Variants in CNTN6 observed in about 807,000 individuals in gnomAD.
CNTN6 encodes the protein contactin-6.
Under a neutral mutation model 122.8 loss-of-function variants are expected in CNTN6, and 137 were observed. That is an observed-to-expected ratio of 1.12 (90% CI 0.97 to 1.29). CNTN6 has a LOEUF of 1.29. CNTN6 is among the 50% of genes most tolerant of loss of function. CNTN6 has a pLI of 0.00. For missense variants in CNTN6, 1,634 were observed against 1,223.4 expected (o/e 1.34, Z -5.01); for synonymous variants, 570 against 426.0 (o/e 1.34, Z -4.16).
intron 1 of CNTN6, among the ~76,000 whole-genome samples, chr3:1,137,673 T>C (rs1429180511): frequency 6.6e-6 from 1 of 152,194 alleles, no homozygotes; most frequent in Non-Finnish European, 1.5e-5. Context: ...TGAATTCTCT[T>C]ATGAACCTCA....
chr3:1,332,079 G>C (rs1281559013), intron 11 of CNTN6, among the ~76,000 whole-genome samples: 1 of 151,824 alleles, frequency 6.6e-6, no homozygotes, highest in Non-Finnish European at 1.5e-5. Context: ...CATTGCTTCA[G>C]GGTTTCACTG....
chr3:1,188,896 T>G (rs1194960162), intron 2 of CNTN6, among the ~76,000 whole-genome samples: 4 of 152,190 alleles, frequency 2.6e-5, no homozygotes, highest in Non-Finnish European at 4.4e-5. Flanking sequence ...TGCTTTTTTC[T>G]GTACACATGT....
chr3:1,334,464 A>G (rs1702765796), intron 11 of CNTN6, among the ~76,000 whole-genome samples: 1 of 152,004 alleles, frequency 6.6e-6, no homozygotes, highest in African/African-American at 2.4e-5. Flanking sequence ...ATTAAACACT[A>G]TATTCATGCA....
chr3:1,373,875 G>GT (rs1709473259), intron 15 of CNTN6, 49 bp from the exon 16 acceptor site: 2 of 1,524,546 alleles, frequency 1.3e-6, no homozygotes, highest in Non-Finnish European at 1.8e-6. Context: ...ACAATTATTT[G>GT]TTTTTGAGTA....
intron 1 of CNTN6, among the ~76,000 whole-genome samples, chr3:1,123,763 C>T (rs905246403): frequency 2.0e-5 from 3 of 152,020 alleles, no homozygotes; most frequent in Admixed American, 6.6e-5. Flanking sequence ...GTCTTGTTCC[C>T]GATCAGAGTG....
In CNTN6 at chr3:1,356,792, G is replaced by A. The variant is rs760551712; in HGVS notation, c.1492+4341G>A. On this transcript the variant is annotated intron_variant, in intron 12 of 22. Transcript: ENST00000446702. ...AACATTTGATTTAAAAATTAGTGAT[G>A]GTAAAAATTACTTTCAAGGTGAGAA... Among the ~76,000 whole-genome samples the A allele has an allele frequency of 5.6e-4, 85 of 151,708 alleles. 1 individual carries two copies. The highest frequency in any genetic ancestry group is 2.2e-4 in the Non-Finnish European group (15 of 67,850).
chr3:1,366,432 G>T (rs1708229615), intron 12 of CNTN6, among the ~76,000 whole-genome samples: 1 of 152,036 alleles, frequency 6.6e-6, no homozygotes, highest in African/African-American at 2.4e-5. Flanking sequence ...TACTCTACTG[G>T]CACATATGCA....
chr3:1,305,537 A>G (rs1698215193), intron 7 of CNTN6, among the ~76,000 whole-genome samples: 1 of 152,194 alleles, frequency 6.6e-6, no homozygotes, highest in East Asian at 1.9e-4. Flanking sequence ...ATGCAAATGT[A>G]GTATGATTGA....
At chr3:1,227,447 A>G (rs879636865) in intron 3 of CNTN6, among the ~76,000 whole-genome samples, 2 of 152,094 alleles carry the variant, frequency 1.3e-5, no homozygotes, top group Admixed American at 6.6e-5. Flanking sequence ...TTGACATTCA[A>G]TTTTGTGCTA....
chr3:1,284,664 AGGT>A (rs1694042949), intron 5 of CNTN6, among the ~76,000 whole-genome samples: 1 of 152,230 alleles, frequency 6.6e-6, no homozygotes, highest in Non-Finnish European at 1.5e-5. Context: ...AAAGCATGAC[AGGT>A]GGTAATAAAA....
rs945992651 is a variant in CNTN6, at chr3:1,320,203, A to G, written c.762-1447A>G. On this transcript the variant is annotated intron_variant, in intron 7 of 22. Coordinates refer to ENST00000446702, the MANE Select transcript of CNTN6 (RefSeq NM_001289080.2). ...ATAATAATTATTTTTTACTTAAGGCAATTCAAAATTCAAGTTTTCACTGTA... is the reference window on the plus strand; with the variant it reads ...ATAATAATTATTTTTTACTTAAGGCGATTCAAAATTCAAGTTTTCACTGTA... Among the ~76,000 whole-genome samples, 33 of 151,758 alleles carry G rather than the reference A, an allele frequency of 2.2e-4. 1 individual carries two copies. The highest frequency in any genetic ancestry group is 4.4e-4 in the Non-Finnish European group (30 of 67,846).
At chr3:1,375,149 C>A (rs959712218) in intron 16 of CNTN6, among the ~76,000 whole-genome samples, 3 of 152,046 alleles carry the variant, frequency 2.0e-5, no homozygotes, top group East Asian at 3.9e-4. Context: ...CTCCTATATA[C>A]CCCCTGGATC....
At chr3:1,291,335 A>C (rs1054719025) in intron 5 of CNTN6, among the ~76,000 whole-genome samples, 1 of 152,210 alleles carries the variant, frequency 6.6e-6, no homozygotes, top group African/African-American at 2.4e-5. Flanking sequence ...ATGTAGGAAT[A>C]GATTGGCAAG....
chr3:1,266,854 C>T (rs1201372467), intron 4 of CNTN6, among the ~76,000 whole-genome samples: 3 of 152,084 alleles, frequency 2.0e-5, no homozygotes, highest in African/African-American at 7.2e-5. Context: ...ACACCTTCAG[C>T]CCCCTTTGCT....
intron 4 of CNTN6, among the ~76,000 whole-genome samples, chr3:1,250,512 T>G (rs866742488): frequency 3.3e-5 from 5 of 152,084 alleles, no homozygotes; most frequent in Non-Finnish European, 4.4e-5. Flanking sequence ...ACACACATCC[T>G]CACTCCCATA....
intron 4 of CNTN6, among the ~76,000 whole-genome samples, chr3:1,249,803 G>C (rs2094634932): frequency 6.6e-6 from 1 of 152,074 alleles, no homozygotes; most frequent in Non-Finnish European, 1.5e-5. Context: ...TGAGCACAAA[G>C]GATTTTATTT....
intron 3 of CNTN6, among the ~76,000 whole-genome samples, chr3:1,222,427 A>C (rs2125529114): frequency 6.6e-6 from 1 of 152,286 alleles, no homozygotes; most frequent in East Asian, 1.9e-4. Flanking sequence ...TTCCTATAAC[A>C]TTTTTTGAAA....
chr3:1,150,836 T>C (rs1232801517), intron 2 of CNTN6, among the ~76,000 whole-genome samples: 7 of 152,166 alleles, frequency 4.6e-5, no homozygotes, highest in Admixed American at 3.3e-4. Flanking sequence ...AGCCCTGGAC[T>C]ATCCAGATTG....
chr3:1,096,610 G>A (rs9817012), intron 1 of CNTN6, among the ~76,000 whole-genome samples: 20,448 of 152,170 alleles, frequency 0.13, 4,584 homozygotes, highest in African/African-American at 0.46. Context: ...AGTATAGCTT[G>A]CAATAAACCT....
Sources: allele counts gnomAD v4.1 joint callset (sites outside exome capture counted in the v4.1 genomes callset), GRCh38; gene constraint gnomAD v4.1.1; transcripts MANE v1.5; gene names NCBI Gene and HGNC (gene_info 2026-07-23, HGNC 2026-07-21).